The following DEDD2 variants were observed in gnomAD, a reference collection of about 807,000 sequenced individuals.
The protein encoded by DEDD2 is death effector domain containing 2.
In DEDD2, 18 loss-of-function variants were observed where a neutral mutation model predicts 28.9. The ratio of observed to expected loss-of-function variants is 0.62; its 90% confidence interval spans 0.43 to 0.92. DEDD2 has a LOEUF of 0.92. Among genes scored for constraint, DEDD2 ranks in the 40% least tolerant of loss-of-function variants. DEDD2 has a pLI of 0.00. For missense variants in DEDD2, 411 were observed against 463.3 expected, an observed-to-expected ratio of 0.89 and a Z score of 1.04; for synonymous variants, 211 against 206.1, an observed-to-expected ratio of 1.02 and a Z score of -0.20.
chr19:42,216,547 T>C, intron 2 of DEDD2, 133 bp downstream of exon 2: 3 of 914,430 alleles, frequency 3.3e-6, no homozygotes, highest in Non-Finnish European at 4.7e-6. Context: ...ATTGATATTG[T>C]GGGAAGAGAG....
At chr19:42,217,142 A>C (rs2036011659) in intron 1 of DEDD2, 97 bp from the exon 2 acceptor site, 1 of 952,456 alleles carries the variant, frequency 1.0e-6, no homozygotes, top group Non-Finnish European at 1.6e-6. Context: ...CGCGCCGGGC[A>C]GGGCCGCTCC....
chr19:42,205,025 G>C lies in DEDD2; in HGVS notation c.589+4675C>G, dbSNP rs974747723. 1.8e-4 allele frequency among the ~76,000 whole-genome samples: 27 copies of C among 152,300 alleles called. No homozygotes were observed. In the East Asian group the frequency reaches 3.7e-3, roughly 21 times the overall value. On this transcript the variant is annotated intron_variant, in intron 4 of 4. Coordinates refer to ENST00000596251, the MANE Select transcript of DEDD2 (RefSeq NM_133328.4). ...AACACACCCTCAGAAGCGGGATTGA[G>C]GAAAACAAAACATCAAACCAGAATC...
At position 42,199,911 on chromosome 19, in the gene DEDD2, C is replaced by G. The variant is rs2035263572; in HGVS notation, c.590-82G>C. ...GGAACGCCACCCTTCCTCCCTCCAG[C>G]CTTCTCCCTCCACCCCCTTCCGGTA... On this transcript the variant is annotated intron_variant, in intron 4 of 4. Coordinates refer to ENST00000596251, the MANE Select transcript of DEDD2 (RefSeq NM_133328.4). The surrounding 1 kb of genome is among the most constrained non-coding windows in gnomAD (Gnocchi z 7.4). The G allele has an allele frequency of 6.8e-7, 1 of 1,479,126 alleles. No homozygotes were observed. Among genetic ancestry groups the G allele is most frequent in the Admixed American group, 2.3e-5 (1 of 43,200 alleles). 91.6% of individuals were successfully genotyped at this position (1,479,126 alleles called of 1,614,324 possible).
intron 1 of DEDD2, 87 bp from the exon 2 acceptor site, chr19:42,217,132 C>T (rs1456865147): frequency 1.8e-6 from 2 of 1,093,868 alleles, no homozygotes; most frequent in Non-Finnish European, 2.6e-6. Flanking sequence ...CCCGCCCAAT[C>T]GCGCCGGGCA....
chr19:42,203,974 T>G (rs1194803435), intron 4 of DEDD2, among the ~76,000 whole-genome samples: 1 of 152,192 alleles, frequency 6.6e-6, no homozygotes, highest in Non-Finnish European at 1.5e-5. Flanking sequence ...TTTTGGCAGC[T>G]GTGGGGAAAA....
chr19:42,202,696 C>A lies in DEDD2; in HGVS notation c.590-2867G>T, dbSNP rs546440857. ...TAGGAAGCACTCCCCACAAGCCAGGCTCTACTCAAGGGCTTTCCTCTCTCA... is the reference window on the plus strand; with the variant it reads ...TAGGAAGCACTCCCCACAAGCCAGGATCTACTCAAGGGCTTTCCTCTCTCA... On this transcript the variant is annotated intron_variant, in intron 4 of 4. Coordinates refer to ENST00000596251, the MANE Select transcript of DEDD2 (RefSeq NM_133328.4). Among the ~76,000 whole-genome samples the A allele has an allele frequency of 5.9e-5, 9 of 152,334 alleles. No homozygotes were observed. In the East Asian group the frequency reaches 1.7e-3, roughly 29 times the overall value.
At chr19:42,203,933 G>A (rs1599757839) in intron 4 of DEDD2, among the ~76,000 whole-genome samples, 1 of 152,242 alleles carries the variant, frequency 6.6e-6, no homozygotes, top group Non-Finnish European at 1.5e-5. Context: ...CACCATGTGC[G>A]CTGGACCGTG....
chr19:42,202,974 A>G (rs187974560), intron 4 of DEDD2, among the ~76,000 whole-genome samples: 2 of 152,316 alleles, frequency 1.3e-5, no homozygotes, highest in African/African-American at 4.8e-5. Context: ...AGCTTTTACT[A>G]CAGGCTGGCA....
intron 2 of DEDD2, among the ~76,000 whole-genome samples, chr19:42,216,399 A>T (rs2146910519): frequency 6.6e-6 from 1 of 152,322 alleles, no homozygotes; most frequent in East Asian, 1.9e-4. Context: ...TTACTGGGAG[A>T]CTATAAGGCA....
chr19:42,209,611 C>T, intron 4 of DEDD2, 89 bp downstream of exon 4: 2 of 1,492,554 alleles, frequency 1.3e-6, no homozygotes, highest in Non-Finnish European at 1.8e-6. Context: ...CCAAGTGTGT[C>T]ACATCCCCCA....
At chr19:42,211,613 G>A (rs2035768661) in intron 3 of DEDD2, among the ~76,000 whole-genome samples, 1 of 152,084 alleles carries the variant, frequency 6.6e-6, no homozygotes, top group Admixed American at 6.6e-5. Context: ...TAAAATCTAT[G>A]TTTCATTCAC....
chr19:42,211,830 G>C (rs1224912268), intron 3 of DEDD2: 1 of 151,960 alleles, frequency 6.6e-6, no homozygotes, highest in Non-Finnish European at 1.5e-5. Context: ...CTCAAGTCGG[G>C]AGTTCGAGAC....
Position 42,199,541 on chromosome 19 carries a change from A to G in DEDD2, c.878T>C (p.Val293Ala). 6.2e-7 allele frequency: 1 copy of G among 1,614,070 alleles called. No homozygotes were observed. The highest frequency in any genetic ancestry group is 8.5e-7 in the Non-Finnish European group (1 of 1,179,970). The change falls in exon 5 of 5, where the codon GTT becomes GCT. Residue 293 changes from valine (V) to alanine (A), a missense_variant. By Grantham distance (64) the Val-to-Ala change is moderately conservative (BLOSUM62 0). This residue lies in a region of DEDD2 where 129 missense variants were observed against 189.9 expected (regional missense o/e 0.68). Transcript: ENST00000596251. The surrounding 1 kb of genome is among the most constrained non-coding windows in gnomAD (Gnocchi z 7.4). ...ALREAVGREA[V>A]RLLVSVDEAD... ...CTCATCCACACTGACCAGCAGGCGAACAGCCTCCCGGCCCACAGCCTCTCG... is the reference window on the plus strand; with the variant it reads ...CTCATCCACACTGACCAGCAGGCGAGCAGCCTCCCGGCCCACAGCCTCTCG...
In DEDD2 at chr19:42,209,847, G is replaced by T. The variant is rs1365389458; in HGVS notation, c.449-7C>A. The stretch of plus-strand genomic sequence containing the variant: ...CGCTTGGTTGGGGGGGAGCCTGAGG[G>T]GAAAAAAATGGGGCAAGTTGAGGAC... On this transcript the variant is annotated splice_region_variant and splice_polypyrimidine_tract_variant and intron_variant, in intron 3 of 4. Transcript: ENST00000596251. 9 of 1,506,892 alleles carry T rather than the reference G, an allele frequency of 6.0e-6. 1 individual carries two copies. The Admixed American group carries it at 1.6e-4, about 27-fold the overall frequency. 93.3% of individuals were successfully genotyped at this position (1,506,892 alleles called of 1,614,324 possible). A position where few individuals can be genotyped will look rare whatever the true frequency, so the allele number is the denominator to read the frequency against.
At position 42,198,776 on chromosome 19, in the gene DEDD2, A is replaced by G. The variant is rs1041767384; in HGVS notation, c.*662T>C. 1.3e-5 allele frequency: 2 copies of G among 152,438 alleles called. No individual in the cohort carries two copies. Among genetic ancestry groups the G allele is most frequent in the Admixed American group, 1.3e-4 (2 of 15,276 alleles). 9.4% of individuals were successfully genotyped at this position (152,438 alleles called of 1,614,324 possible). ...CCATAACACTCCCATGTGACACTCC[A>G]GGTGACATCCAAGTGCAAGTCTATG... On this transcript the variant is annotated 3_prime_UTR_variant, in exon 5 of 5. Transcript: ENST00000596251.
intron 4 of DEDD2, among the ~76,000 whole-genome samples, chr19:42,200,548 G>A (rs998754826): frequency 6.6e-6 from 1 of 152,232 alleles, no homozygotes; most frequent in Non-Finnish European, 1.5e-5. Context: ...AGGCCCGGGA[G>A]GCTTGCGGCT....
upstream of DEDD2, among the ~76,000 whole-genome samples, chr19:42,219,318 A>G (rs2036086932): frequency 6.7e-6 from 1 of 150,076 alleles, no homozygotes; most frequent in Non-Finnish European, 1.5e-5. Flanking sequence ...CAAACAAACA[A>G]GACCGGACGC....
intron 3 of DEDD2, 125 bp from the exon 4 acceptor site, chr19:42,209,965 T>C: frequency 7.9e-7 from 1 of 1,268,496 alleles, no homozygotes. Flanking sequence ...TCTGCCTCCC[T>C]TCTTCAGTGG....
Position 42,216,843 on chromosome 19 carries a change from G to A in DEDD2, c.165C>T (p.Ala55=). Residue 55 remains alanine (A), a synonymous_variant, in exon 2 of 5, where the codon GCC becomes GCT. Coordinates refer to ENST00000596251, the MANE Select transcript of DEDD2 (RefSeq NM_133328.4). ...LAFLLDEAPG[A]AGGLARARSG... ...TGCGGGCCCGGGCTAAGCCTCCGGC[G>A]GCGCCAGGAGCCTCATCCAGCAGAA... 1 of 1,588,568 alleles carries A rather than the reference G, an allele frequency of 6.3e-7. No individual in the cohort carries two copies. Among genetic ancestry groups the A allele is most frequent in the Non-Finnish European group, 8.6e-7 (1 of 1,168,058 alleles).
Sources: gnomAD v4.1 joint callset for allele counts (sites outside exome capture counted in the v4.1 genomes callset) on GRCh38, gnomAD v4.1.1 for gene constraint, gnomAD v4.1.1 regional missense constraint, Gnocchi (gnomAD v3.1) non-coding constraint, MANE v1.5 for transcripts, NCBI Gene and HGNC (gene_info 2026-07-23, HGNC 2026-07-21) for gene names.